Variants in NLGN4X observed in about 807,000 individuals in gnomAD.
NLGN4X encodes neuroligin-4, X-linked.
In NLGN4X, 3 loss-of-function variants were observed where a neutral mutation model predicts 40.3. That is an observed-to-expected ratio of 0.07 (90% CI 0.03 to 0.19). The LOEUF is 0.19. NLGN4X is among the 10% of genes least tolerant of loss of function. The pLI, the probability that NLGN4X is intolerant of heterozygous loss-of-function variation, is 1.00. For missense variants in NLGN4X, 382 were observed against 708.3 expected, an observed-to-expected ratio of 0.54 and a Z score of 5.23; for synonymous variants, 270 against 306.8, an observed-to-expected ratio of 0.88 and a Z score of 1.25.
Position 5,893,322 on chromosome X carries a change from T to G in NLGN4X, c.1946A>C (p.His649Pro). Residue 649 changes from histidine to proline, a missense_variant, in exon 6 of 6, where the codon CAC (histidine) becomes CCC (proline). Coordinates refer to ENST00000381095, the MANE Select transcript of NLGN4X (RefSeq NM_181332.3). ...PAITPANNPK[H>P]SKDPHKTGPE... ...CCCTGTTTTGTGAGGGTCCTTAGAGTGTTTGGGATTGTTGGCAGGAGTGAT... is the reference window on the plus strand; with the variant it reads ...CCCTGTTTTGTGAGGGTCCTTAGAGGGTTTGGGATTGTTGGCAGGAGTGAT... The G allele has an allele frequency of 8.3e-7, 1 of 1,209,667 alleles. No homozygotes were observed. Among genetic ancestry groups the G allele is most frequent in the Admixed American group, 2.2e-5 (1 of 45,829 alleles).
chrX:6,211,577 GAT>G (rs1187143456), intron 1 of NLGN4X, among the ~76,000 whole-genome samples: 1 of 111,571 alleles, frequency 9.0e-6, no homozygotes, highest in East Asian at 2.8e-4. Flanking sequence ...TATCGGTAAA[GAT>G]ATGTGTACAG....
intron 2 of NLGN4X, among the ~76,000 whole-genome samples, chrX:6,061,454 C>T (rs1408378948): frequency 9.0e-6 from 1 of 111,380 alleles, no homozygotes; most frequent in Non-Finnish European, 1.9e-5. Context: ...CTATATTGTT[C>T]CTTTTCTGAA....
intron 2 of NLGN4X, among the ~76,000 whole-genome samples, chrX:6,057,986 G>T (rs2037675960): frequency 9.0e-6 from 1 of 111,414 alleles, no homozygotes; most frequent in Non-Finnish European, 1.9e-5. Flanking sequence ...CTTCATACAT[G>T]GGGTAATGAA....
intron 2 of NLGN4X, among the ~76,000 whole-genome samples, chrX:6,145,370 T>C (rs927079754): frequency 2.7e-5 from 3 of 112,286 alleles, no homozygotes; most frequent in African/African-American, 9.7e-5. Context: ...GATATGAAGA[T>C]TGGTGATGTC....
chrX:5,969,878 A>G (rs113941704), intron 3 of NLGN4X, among the ~76,000 whole-genome samples: 7,280 of 109,635 alleles, frequency 0.066, 620 homozygotes, highest in African/African-American at 0.23. Flanking sequence ...TTGTAGGGAC[A>G]TGGATGAAGC....
At chrX:6,214,929 A>G (rs1924933814) in intron 1 of NLGN4X, among the ~76,000 whole-genome samples, 1 of 111,840 alleles carries the variant, frequency 8.9e-6, no homozygotes, top group East Asian at 2.8e-4. Context: ...AAAACAGGGA[A>G]TGGGAGCGGG....
intron 3 of NLGN4X, among the ~76,000 whole-genome samples, chrX:5,980,205 AT>A (rs2035343347): frequency 9.3e-6 from 1 of 107,530 alleles, no homozygotes; most frequent in African/African-American, 3.4e-5. Context: ...CTAATACCAT[AT>A]ATACTATATA....
intron 1 of NLGN4X, among the ~76,000 whole-genome samples, chrX:6,173,528 CT>C (rs2040654236): frequency 9.0e-6 from 1 of 111,234 alleles, no homozygotes; most frequent in Middle Eastern, 4.2e-3. Flanking sequence ...TCTGACCTGC[CT>C]TTTTGACTGT....
intron 2 of NLGN4X, among the ~76,000 whole-genome samples, chrX:6,085,511 C>T (rs1487706036): frequency 8.9e-6 from 1 of 111,870 alleles, no homozygotes; most frequent in Non-Finnish European, 1.9e-5. Context: ...CCAGTCAACA[C>T]TGGCTTCATG....
At chrX:6,135,691 A>G (rs2039799531) in intron 2 of NLGN4X, among the ~76,000 whole-genome samples, 1 of 111,585 alleles carries the variant, frequency 9.0e-6, no homozygotes, top group Admixed American at 9.6e-5. Context: ...TTAGGCCAGT[A>G]CGCATAGTTG....
chrX:6,119,615 G>A (rs900404735), intron 2 of NLGN4X, among the ~76,000 whole-genome samples: 1 of 111,165 alleles, frequency 9.0e-6, no homozygotes, highest in Non-Finnish European at 1.9e-5. Flanking sequence ...CTATGGCAAA[G>A]TGAGTGCTGT....
At chrX:5,988,542 A>G (rs2035590699) in intron 3 of NLGN4X, among the ~76,000 whole-genome samples, 2 of 111,985 alleles carry the variant, frequency 1.8e-5, no homozygotes, top group African/African-American at 3.3e-5. Context: ...ATTGGTTATT[A>G]GGGAAGGCAG....
intron 2 of NLGN4X, chrX:6,032,637 T>C (rs1009158010): frequency 3.8e-6 from 3 of 789,713 alleles, no homozygotes; most frequent in East Asian, 3.3e-5. Context: ...AAAAGAGAGA[T>C]AGATAGATAT....
intron 2 of NLGN4X, among the ~76,000 whole-genome samples, chrX:6,034,244 G>A (rs759230801): frequency 9.8e-5 from 11 of 111,740 alleles, no homozygotes; most frequent in South Asian, 3.7e-4. Context: ...TATAATATGC[G>A]GTATTTTGTG....
chrX:6,000,142 G>T (rs1314132771), intron 3 of NLGN4X, among the ~76,000 whole-genome samples: 2 of 112,303 alleles, frequency 1.8e-5, no homozygotes, highest in African/African-American at 6.5e-5. Flanking sequence ...AATGGAGATG[G>T]TATCTGCTGA....
chrX:5,908,789 G>C (rs1359647718), intron 4 of NLGN4X, among the ~76,000 whole-genome samples: 4 of 111,785 alleles, frequency 3.6e-5, no homozygotes, highest in African/African-American at 1.3e-4. Context: ...GTATTCAGGA[G>C]ACTGAGATGG....
chrX:5,937,537 C>A (rs138769114), intron 3 of NLGN4X, among the ~76,000 whole-genome samples: 1,823 of 111,791 alleles, frequency 0.016, 50 homozygotes, highest in Admixed American at 0.094. Context: ...TCCAGAGCGA[C>A]TAAAGTTCAC....
chrX:5,992,466 A>G (rs2035708707), intron 3 of NLGN4X, among the ~76,000 whole-genome samples: 1 of 110,768 alleles, frequency 9.0e-6, no homozygotes, highest in African/African-American at 3.3e-5. Flanking sequence ...CTGGGCATGG[A>G]GGCATGCACC....
intron 2 of NLGN4X, among the ~76,000 whole-genome samples, chrX:6,064,916 T>C (rs146531645): frequency 0.043 from 4,740 of 111,099 alleles, 221 homozygotes; most frequent in African/African-American, 0.13. Context: ...ATATACATCA[T>C]GGAATACTAT....
Sources: gnomAD v4.1 joint callset for allele counts (sites outside exome capture counted in the v4.1 genomes callset) on GRCh38, gnomAD v4.1.1 for gene constraint, MANE v1.5 for transcripts, NCBI Gene and HGNC (gene_info 2026-07-23, HGNC 2026-07-21) for gene names.